Variants in RPS6KA2 observed in about 807,000 individuals in gnomAD.
RPS6KA2 encodes ribosomal protein S6 kinase A2, also known as ribosomal protein S6 kinase alpha-2.
In RPS6KA2, 42 loss-of-function variants were observed where a neutral mutation model predicts 91.8. The ratio of observed to expected loss-of-function variants is 0.46; its 90% CI spans 0.36 to 0.59. RPS6KA2 has a LOEUF of 0.59. Ranked by LOEUF, RPS6KA2 falls within the 20% of genes least tolerant of loss-of-function variation. The probability of loss-of-function intolerance (pLI) is 0.00; values close to 1 mark genes in which losing one functional copy is unlikely to be tolerated. For missense variants in RPS6KA2, 798 were observed against 978.5 expected, an observed-to-expected ratio of 0.82 and a Z score of 2.46; for synonymous variants, 414 against 393.6, an observed-to-expected ratio of 1.05 and a Z score of -0.61.
chr6:166,745,892 T>A (rs1247076645), intron 2 of RPS6KA2, among the ~76,000 whole-genome samples: 1 of 152,174 alleles, frequency 6.6e-6, no homozygotes, highest in Admixed American at 6.5e-5. Context: ...AAATAGAGAC[T>A]AATTTGGAAA....
Position 166,448,460 on chromosome 6 carries a change from A to C in RPS6KA2, c.1332+264T>G, listed in dbSNP as rs1779747596. ...CTCATATCAAAGCAAACTGAACTCC[A>C]TCATATCAGAGCTTGGAAAATGGCA... On this transcript the variant is annotated intron_variant, in intron 14 of 20. Transcript: ENST00000265678. This position sits in a 1 kb window ranked among gnomAD's most constrained non-coding sequence, Gnocchi z 4.7. Among the ~76,000 whole-genome samples the C allele has an allele frequency of 6.6e-6, 1 of 152,206 alleles. No homozygotes were observed. The highest frequency in any genetic ancestry group is 6.5e-5 in the Admixed American group (1 of 15,274).
rs528927889 is a variant in RPS6KA2, at chr6:166,775,594, T to C, written c.123+82606A>G. 2.0e-5 allele frequency among the ~76,000 whole-genome samples: 3 copies of C among 152,350 alleles called. No individual in the cohort carries two copies. In the South Asian group the frequency reaches 6.2e-4, roughly 32 times the overall value. ...TGACCCCCGACTCTCCCTCCGCTGG[T>C]GCTCAGCTCTCCCCACACCTGCCAG... On this transcript the variant is annotated intron_variant, in intron 2 of 21. Transcript: ENST00000503859.
chr6:166,670,012 T>C (rs923359316), intron 2 of RPS6KA2, among the ~76,000 whole-genome samples: 1 of 152,246 alleles, frequency 6.6e-6, no homozygotes, highest in Non-Finnish European at 1.5e-5. Context: ...AACTGCAGCC[T>C]TTCCAGGGCA....
intron 11 of RPS6KA2, among the ~76,000 whole-genome samples, chr6:166,460,279 T>C (rs1460534939): frequency 6.6e-6 from 1 of 152,246 alleles, no homozygotes; most frequent in East Asian, 1.9e-4. Context: ...TGTGCTCCGG[T>C]CTCAGAGCTG....
chr6:166,412,499 A>T lies in RPS6KA2; in HGVS notation c.*263T>A. ...CTCTGAAAGAAGCCCCCGGCCTCGCACGGGCACGCGAGGTGAAGGGGCGCA... is the reference window on the plus strand; with the variant it reads ...CTCTGAAAGAAGCCCCCGGCCTCGCTCGGGCACGCGAGGTGAAGGGGCGCA... On this transcript the variant is annotated 3_prime_UTR_variant, in exon 21 of 21. Transcript: ENST00000265678. The surrounding 1 kb of genome is among the most constrained non-coding windows in gnomAD (Gnocchi z 4.3). 3.3e-6 allele frequency: 1 copy of T among 305,456 alleles called. No individual in the cohort carries two copies. The highest frequency in any genetic ancestry group is 6.1e-6 in the Non-Finnish European group (1 of 165,238). 18.9% of individuals were successfully genotyped at this position (305,456 alleles called of 1,614,324 possible). A position where few individuals can be genotyped will look rare whatever the true frequency, so the allele number is the denominator to read the frequency against.
intron 1 of RPS6KA2, chr6:166,862,031 G>A: frequency 6.3e-7 from 1 of 1,584,834 alleles, no homozygotes; most frequent in Admixed American, 1.7e-5. Flanking sequence ...ACTGATTATA[G>A]TAAATGAGCA....
chr6:166,814,797 C>T (rs558823593), intron 2 of RPS6KA2, among the ~76,000 whole-genome samples: 22 of 152,302 alleles, frequency 1.4e-4, no homozygotes, highest in Non-Finnish European at 1.2e-4. Flanking sequence ...TCTCCCATCA[C>T]CCCCAGATGG....
upstream of RPS6KA2, among the ~76,000 whole-genome samples, chr6:166,628,243 G>T (rs1208367361): frequency 6.6e-6 from 1 of 152,128 alleles, no homozygotes; most frequent in Admixed American, 6.5e-5. Context: ...CTCACCAAGG[G>T]CTGCAGCAGG....
At chr6:166,786,533 G>A (rs1375444815) in intron 2 of RPS6KA2, among the ~76,000 whole-genome samples, 1 of 152,022 alleles carries the variant, frequency 6.6e-6, no homozygotes, top group Admixed American at 6.6e-5. Context: ...ATTTGTAGAC[G>A]GTTGGGAGTA....
chr6:166,641,878 G>A (rs540570243), intron 2 of RPS6KA2, among the ~76,000 whole-genome samples: 1 of 151,740 alleles, frequency 6.6e-6, no homozygotes, highest in Non-Finnish European at 1.5e-5. Flanking sequence ...ATATGAAAGG[G>A]GGGTTAGGAA....
In RPS6KA2 at chr6:166,713,734, C is replaced by A. The variant is rs1036428780; in HGVS notation, c.123+144466G>T. 2.6e-5 allele frequency among the ~76,000 whole-genome samples: 4 copies of A among 152,268 alleles called. No homozygotes were observed. The South Asian group carries it at 6.2e-4, about 24-fold the overall frequency. ...CTAGCAAGTAAAAAACACAAAACTGCGCTTTGTGAAATATCCGGAGGGAAG... is the reference window on the plus strand; with the variant it reads ...CTAGCAAGTAAAAAACACAAAACTGAGCTTTGTGAAATATCCGGAGGGAAG... On this transcript the variant is annotated intron_variant, in intron 2 of 21. Coordinates refer to the RPS6KA2 transcript ENST00000503859.
intron 2 of RPS6KA2, among the ~76,000 whole-genome samples, chr6:166,751,093 A>G (rs566550554): frequency 2.4e-4 from 37 of 152,334 alleles, no homozygotes; most frequent in Admixed American, 1.8e-3. Flanking sequence ...CCCGAGCTGC[A>G]GGTGACGGCA....
chr6:166,618,579 C>T (rs958631003), intron 1 of RPS6KA2, among the ~76,000 whole-genome samples: 6 of 152,200 alleles, frequency 3.9e-5, no homozygotes, highest in Non-Finnish European at 8.8e-5. Context: ...AGATCAGGCT[C>T]ACAGGCAGTG....
chr6:166,680,456 GTTGTGGAAGGTTTGTT>G (rs1788760317), intron 2 of RPS6KA2, among the ~76,000 whole-genome samples: 1 of 152,142 alleles, frequency 6.6e-6, no homozygotes, highest in Non-Finnish European at 1.5e-5. Context: ...CCCCTTCCAC[GTTGTGGAAGGTTTGTT>G]TTTTTGCTCT....
chr6:166,418,453 CCCT>C lies in RPS6KA2; in HGVS notation c.1821-114_1821-112del. ...TTCAAAGGAATAGCACTTTGCTTCT[CCCT>C]CCTCTGCTCTGAAGCCAGGATTCAT... On this transcript the variant is annotated intron_variant, in intron 18 of 20. Transcript: ENST00000265678. The surrounding 1 kb of genome is among the most constrained non-coding windows in gnomAD (Gnocchi z 4.9). The C allele has an allele frequency of 1.3e-6, 1 of 789,860 alleles. No homozygotes were observed. 48.9% of individuals were successfully genotyped at this position (789,860 alleles called of 1,614,324 possible).
chr6:166,857,598 T>C (rs1002002482), intron 2 of RPS6KA2, among the ~76,000 whole-genome samples: 4 of 152,258 alleles, frequency 2.6e-5, no homozygotes, highest in African/African-American at 4.8e-5. Flanking sequence ...CTGCACAGCA[T>C]GAAAATGAAG....
At chr6:166,841,742 T>C in intron 2 of RPS6KA2, among the ~76,000 whole-genome samples, 1 of 152,230 alleles carries the variant, frequency 6.6e-6, no homozygotes, top group Non-Finnish European at 1.5e-5. Flanking sequence ...CTGTGTTTCA[T>C]TCCTCCCTTT....
At chr6:166,643,217 A>G (rs1787498997) in intron 2 of RPS6KA2, among the ~76,000 whole-genome samples, 1 of 152,268 alleles carries the variant, frequency 6.6e-6, no homozygotes, top group Admixed American at 6.5e-5. Flanking sequence ...TAGACCATAT[A>G]CAATCTAAAT....
intron 1 of RPS6KA2, among the ~76,000 whole-genome samples, chr6:166,621,289 T>C (rs779963129): frequency 4.6e-5 from 7 of 152,224 alleles, no homozygotes; most frequent in Non-Finnish European, 1.0e-4. Context: ...TTACGCACAT[T>C]TGTCCTCCAC....
Sources: allele counts gnomAD v4.1 joint callset (sites outside exome capture counted in the v4.1 genomes callset), GRCh38; gene constraint gnomAD v4.1.1; non-coding constraint Gnocchi (gnomAD v3.1); transcripts MANE v1.5; gene names NCBI Gene and HGNC (gene_info 2026-07-23, HGNC 2026-07-21).